Variants in EPHB1 observed in about 807,000 individuals in gnomAD.
EPHB1 encodes the protein EPH receptor B1.
EPHB1 carries 30 observed loss-of-function variants against 94.4 expected under a neutral mutation model. That is an observed-to-expected ratio of 0.32 (90% CI 0.24 to 0.43). The LOEUF is 0.43. Among genes scored for constraint, EPHB1 ranks in the 20% least tolerant of loss-of-function variants. The pLI is 1.00. For synonymous variants in EPHB1, 522 were observed against 489.1 expected (o/e 1.07, Z -0.89); for missense variants, 1,055 against 1,308.3 (o/e 0.81, Z 2.99).
At chr3:135,095,794 C>T (rs1938737622) in intron 3 of EPHB1, among the ~76,000 whole-genome samples, 2 of 152,224 alleles carry the variant, frequency 1.3e-5, no homozygotes, top group Admixed American at 6.5e-5. Flanking sequence ...CTGCTCTCTC[C>T]ACCTGGAAGC....
In EPHB1 at chr3:135,162,099, T is replaced by C. The variant is rs1324479292; in HGVS notation, c.1504T>C (p.Tyr502His). ...TGATGGGCTGCGGCCTGGCATGGTA[T>C]ATGTGGTACAGGTGCGTGCCCGCAC... ...RIDGLRPGMV[Y>H]VVQVRARTVA... Residue 502 changes from tyrosine to histidine, a missense_variant, in exon 7 of 16, where the codon TAT (tyrosine) becomes CAT (histidine). Physicochemically the swap from Tyr to His is moderately conservative, Grantham distance 83 (BLOSUM62 2). Coordinates refer to ENST00000398015, the MANE Select transcript of EPHB1 (RefSeq NM_004441.5). 1 of 1,613,476 alleles carries C rather than the reference T, an allele frequency of 6.2e-7. No homozygotes were observed.
rs767972363 is a variant in EPHB1, at chr3:135,201,643, G to A, written c.2300G>A (p.Arg767His). ...AAGGTGTCCGACTTTGGCCTCTCCC[G>A]CTACCTCCAGGATGACACCTCAGAT... ...VCKVSDFGLSRYLQDDTSDPT... is the reference protein window; with the variant it reads ...VCKVSDFGLSHYLQDDTSDPT... The change falls in exon 12 of 16, where the codon CGC (arginine) becomes CAC (histidine). Residue 767 changes from arginine to histidine, a missense_variant. Physicochemically the swap from Arg to His is conservative, Grantham distance 29. Transcript: ENST00000398015. The A allele has an allele frequency of 1.1e-5, 18 of 1,613,672 alleles. No homozygotes were observed. The highest frequency in any genetic ancestry group is 6.7e-5 in the African/African-American group (5 of 74,782).
intron 1 of EPHB1, among the ~76,000 whole-genome samples, chr3:134,831,244 C>T (rs542400207): frequency 1.3e-5 from 2 of 152,306 alleles, no homozygotes; most frequent in South Asian, 4.1e-4. Flanking sequence ...TGTCCTGGAG[C>T]AGAGGAGGGC....
chr3:135,137,558 A>G (rs1284900119), intron 5 of EPHB1, among the ~76,000 whole-genome samples: 1 of 152,110 alleles, frequency 6.6e-6, no homozygotes, highest in Non-Finnish European at 1.5e-5. Context: ...TCATGGTGGC[A>G]GAGTGCTGTG....
At chr3:135,222,730 CTG>C (rs1264920004) in intron 12 of EPHB1, among the ~76,000 whole-genome samples, 1 of 152,174 alleles carries the variant, frequency 6.6e-6, no homozygotes, top group Non-Finnish European at 1.5e-5. Flanking sequence ...TTGGATGAAA[CTG>C]ATCTCTGTGA....
At chr3:135,099,207 T>C (rs530299014) in intron 3 of EPHB1, among the ~76,000 whole-genome samples, 7 of 152,152 alleles carry the variant, frequency 4.6e-5, no homozygotes, top group African/African-American at 1.7e-4. Flanking sequence ...TGTATGCCTA[T>C]GTGTAAGTTT....
intron 15 of EPHB1, among the ~76,000 whole-genome samples, chr3:135,253,078 ATTTG>A (rs1398070311): frequency 5.4e-5 from 8 of 149,346 alleles, no homozygotes; most frequent in African/African-American, 1.5e-4. Context: ...TTTCTTGTAA[ATTTG>A]TTTGAGTTCA....
At chr3:135,137,086 G>C (rs1296314403) in intron 5 of EPHB1, among the ~76,000 whole-genome samples, 1 of 152,338 alleles carries the variant, frequency 6.6e-6, no homozygotes, top group Middle Eastern at 3.4e-3. Flanking sequence ...GAGTGTCAAA[G>C]TTGGAAAAGA....
intron 12 of EPHB1, among the ~76,000 whole-genome samples, chr3:135,235,755 A>G (rs4279129): frequency 0.7 from 106,997 of 151,996 alleles, 39,397 homozygotes; most frequent in Middle Eastern, 0.87. Flanking sequence ...TGGAGTGGCC[A>G]TCTGAGTCTG....
intron 1 of EPHB1, among the ~76,000 whole-genome samples, chr3:134,882,767 T>TTTCTTTC (rs1428659028): frequency 2.8e-4 from 11 of 39,870 alleles, no homozygotes; most frequent in Admixed American, 1.4e-3. Flanking sequence ...CCTTCCTTCC[T>TTTCTTTC]TTCTTTCTTT....
At chr3:134,886,783 T>C (rs2037871893) in intron 1 of EPHB1, among the ~76,000 whole-genome samples, 1 of 151,662 alleles carries the variant, frequency 6.6e-6, no homozygotes, top group South Asian at 2.1e-4. Flanking sequence ...TTTAAATAGG[T>C]GAGGAAATTC....
intron 2 of EPHB1, among the ~76,000 whole-genome samples, chr3:134,931,414 A>G (rs2038900009): frequency 1.3e-5 from 2 of 152,218 alleles, no homozygotes; most frequent in Non-Finnish European, 2.9e-5. Context: ...TTGGGCCACC[A>G]TTGGCCTCTG....
intron 1 of EPHB1, among the ~76,000 whole-genome samples, chr3:134,863,030 C>A (rs1345605306): frequency 6.6e-6 from 1 of 152,182 alleles, no homozygotes; most frequent in East Asian, 1.9e-4. Flanking sequence ...TGGGGTGGAT[C>A]CTGCGTTCCC....
intron 3 of EPHB1, among the ~76,000 whole-genome samples, chr3:135,025,285 T>C (rs1479354030): frequency 7.3e-6 from 1 of 136,122 alleles, no homozygotes; most frequent in South Asian, 2.6e-4. Flanking sequence ...TACGTATACA[T>C]GTGCCATGCT....
intron 13 of EPHB1, among the ~76,000 whole-genome samples, chr3:135,245,782 A>G (rs1479625514): frequency 7.0e-6 from 1 of 142,732 alleles, no homozygotes; most frequent in Non-Finnish European, 1.5e-5. Flanking sequence ...CTCCAGCATG[A>G]GCAAGAGAGC....
At chr3:134,827,402 C>T (rs575978906) in intron 1 of EPHB1, among the ~76,000 whole-genome samples, 162 of 152,268 alleles carry the variant, frequency 1.1e-3, no homozygotes, top group African/African-American at 3.7e-3. Context: ...CACACACACT[C>T]CTTATGGGCT....
intron 5 of EPHB1, among the ~76,000 whole-genome samples, chr3:135,138,245 A>T (rs192242743): frequency 6.6e-6 from 1 of 152,170 alleles, no homozygotes; most frequent in Non-Finnish European, 1.5e-5. Context: ...ATGCTGCACT[A>T]TTTCTGTTAA....
intron 3 of EPHB1, among the ~76,000 whole-genome samples, chr3:135,101,461 C>T (rs1264733642): frequency 2.6e-5 from 4 of 152,074 alleles, no homozygotes; most frequent in African/African-American, 7.2e-5. Context: ...GCAACCTCTG[C>T]GTCCTGGGTT....
intron 3 of EPHB1, among the ~76,000 whole-genome samples, chr3:135,103,447 C>G (rs1473547906): frequency 6.6e-6 from 1 of 152,110 alleles, no homozygotes; most frequent in Non-Finnish European, 1.5e-5. Context: ...GCAAAGAAAC[C>G]TTGCTTTTGT....
Sources: gnomAD v4.1 joint callset for allele counts (sites outside exome capture counted in the v4.1 genomes callset) on GRCh38, gnomAD v4.1.1 for gene constraint, MANE v1.5 for transcripts, NCBI Gene and HGNC (gene_info 2026-07-23, HGNC 2026-07-21) for gene names.